The following GRIN2A variants were observed in gnomAD, a reference collection of about 807,000 sequenced individuals.
GRIN2A encodes the protein glutamate receptor ionotropic, NMDA 2A.
Under a neutral mutation model 113.4 loss-of-function variants are expected in GRIN2A, and 22 were observed. The observed-to-expected ratio is 0.19, with a 90% CI of 0.14 to 0.28. The LOEUF (loss-of-function observed/expected upper bound fraction) is 0.28. Ranked by LOEUF, GRIN2A falls within the 10% of genes least tolerant of loss-of-function variation. The pLI is 1.00. For synonymous variants in GRIN2A, 827 were observed against 738.4 expected (o/e 1.12, Z -1.94); for missense variants, 1,502 against 1,887.0 (o/e 0.80, Z 3.78).
chr16:9,949,659 A>AGATGGATGGACAGATG (rs1018337712), intron 2 of GRIN2A, among the ~76,000 whole-genome samples: 3 of 149,508 alleles, frequency 2.0e-5, no homozygotes, highest in African/African-American at 7.4e-5. Context: ...ACAGATGGAC[A>AGATGGATGGACAGATG]GATGGATGGA....
chr16:9,783,326 G>T (rs923693275), intron 11 of GRIN2A, among the ~76,000 whole-genome samples: 3 of 152,208 alleles, frequency 2.0e-5, no homozygotes, highest in Non-Finnish European at 2.9e-5. Context: ...TTCCAGATCC[G>T]ATTTAATCGA....
At chr16:9,937,839 G>A in intron 3 of GRIN2A, 120 bp downstream of exon 3, 1 of 741,166 alleles carries the variant, frequency 1.3e-6, no homozygotes, top group Non-Finnish European at 2.4e-6. Flanking sequence ...AGTCCCGTAA[G>A]TAAACACATA....
At chr16:9,989,435 A>T (rs1197879071) in intron 2 of GRIN2A, among the ~76,000 whole-genome samples, 1 of 152,170 alleles carries the variant, frequency 6.6e-6, no homozygotes, top group African/African-American at 2.4e-5. Context: ...ACTATAAAAA[A>T]ATCCTAGAAG....
chr16:9,993,369 G>C (rs2046161856), intron 2 of GRIN2A, among the ~76,000 whole-genome samples: 1 of 152,028 alleles, frequency 6.6e-6, no homozygotes, highest in African/African-American at 2.4e-5. Context: ...AGGCAACATA[G>C]TGAAACCCCA....
chr16:9,782,573 A>G (rs765286), intron 11 of GRIN2A, among the ~76,000 whole-genome samples: 66,334 of 152,112 alleles, frequency 0.44, 15,549 homozygotes, highest in African/African-American at 0.62. Context: ...CATTCATTAT[A>G]TCTTATTTCC....
chr16:10,160,349 G>A (rs186734688), intron 2 of GRIN2A, among the ~76,000 whole-genome samples: 11 of 152,302 alleles, frequency 7.2e-5, no homozygotes, highest in Admixed American at 2.0e-4. Context: ...ACAAGTGGGC[G>A]TGGACCAAGG....
At chr16:10,059,732 AAAAAAC>A (rs1486320125) in intron 2 of GRIN2A, among the ~76,000 whole-genome samples, 1 of 151,812 alleles carries the variant, frequency 6.6e-6, no homozygotes, top group Non-Finnish European at 1.5e-5. Flanking sequence ...AAAAAAAAAA[AAAAAAC>A]AAACAAGATT....
At chr16:10,060,433 T>G (rs2047531712) in intron 2 of GRIN2A, among the ~76,000 whole-genome samples, 1 of 152,212 alleles carries the variant, frequency 6.6e-6, no homozygotes, top group Non-Finnish European at 1.5e-5. Context: ...AGAAACCTAC[T>G]TAGGGTTCCT....
intron 2 of GRIN2A, among the ~76,000 whole-genome samples, chr16:10,040,454 T>C (rs111067690): frequency 0.64 from 95,786 of 150,538 alleles, 30,825 homozygotes; most frequent in East Asian, 0.95. Context: ...GTCACAAATA[T>C]AAATCCACGC....
intron 2 of GRIN2A, among the ~76,000 whole-genome samples, chr16:10,079,776 T>G (rs1294529359): frequency 2.0e-5 from 3 of 152,194 alleles, no homozygotes; most frequent in African/African-American, 7.2e-5. Flanking sequence ...CATTTTGCTA[T>G]AGCAGCCCAA....
chr16:9,800,811 T>C (rs1318677376), intron 10 of GRIN2A, among the ~76,000 whole-genome samples: 2 of 152,096 alleles, frequency 1.3e-5, no homozygotes, highest in Non-Finnish European at 2.9e-5. Flanking sequence ...ATACGTAACC[T>C]GGAGCAACCT....
chr16:9,869,774 G>A (rs927621252), intron 4 of GRIN2A, among the ~76,000 whole-genome samples: 3 of 152,214 alleles, frequency 2.0e-5, no homozygotes, highest in Non-Finnish European at 4.4e-5. Context: ...GCTCAACCAG[G>A]ATTAGGTGTT....
chr16:9,977,612 A>G (rs778892135), intron 2 of GRIN2A, among the ~76,000 whole-genome samples: 14 of 152,158 alleles, frequency 9.2e-5, no homozygotes, highest in South Asian at 2.1e-4. Context: ...AGCTCAAGCA[A>G]TCATTAACCA....
At chr16:10,155,612 T>C (rs1241708715) in intron 2 of GRIN2A, among the ~76,000 whole-genome samples, 1 of 152,244 alleles carries the variant, frequency 6.6e-6, no homozygotes. Flanking sequence ...AGCTCTGTAT[T>C]AGTCTGTTCT....
intron 7 of GRIN2A, among the ~76,000 whole-genome samples, chr16:9,835,630 A>G (rs557274818): frequency 6.6e-6 from 1 of 152,348 alleles, no homozygotes; most frequent in Non-Finnish European, 1.5e-5. Flanking sequence ...ATATTTTCTG[A>G]GGGTTAAAAT....
intron 2 of GRIN2A, among the ~76,000 whole-genome samples, chr16:10,040,571 T>TAATGCTGCACAC: frequency 2.2e-5 from 2 of 89,498 alleles, no homozygotes; most frequent in Non-Finnish European, 4.5e-5. Flanking sequence ...AACCCACATA[T>TAATGCTGCACAC]TCACACACAC....
At chr16:9,957,172 C>T (rs955858917) in intron 2 of GRIN2A, among the ~76,000 whole-genome samples, 2 of 152,202 alleles carry the variant, frequency 1.3e-5, no homozygotes, top group South Asian at 4.1e-4. Context: ...CCTTGGCTTT[C>T]ACTCTGGCCC....
At chr16:9,939,371 G>C (rs576465442) in intron 2 of GRIN2A, among the ~76,000 whole-genome samples, 1 of 152,296 alleles carries the variant, frequency 6.6e-6, no homozygotes, top group South Asian at 2.1e-4. Context: ...ACGATACGAT[G>C]TTGAAGAGCT....
At chr16:9,958,095 C>T (rs186924494) in intron 2 of GRIN2A, among the ~76,000 whole-genome samples, 2 of 152,332 alleles carry the variant, frequency 1.3e-5, no homozygotes, top group East Asian at 3.9e-4. Context: ...CTTAGCTTCT[C>T]TGTGCCTGCC....
Sources: gnomAD v4.1 joint callset for allele counts (sites outside exome capture counted in the v4.1 genomes callset) on GRCh38, gnomAD v4.1.1 for gene constraint, MANE v1.5 for transcripts, NCBI Gene and HGNC (gene_info 2026-07-23, HGNC 2026-07-21) for gene names.